BAIAP2: variants seen among roughly 807,000 people sequenced by gnomAD.
The protein encoded by BAIAP2 is BAR/IMD domain-containing adapter protein 2.
A neutral mutation model predicts 63.0 loss-of-function variants in BAIAP2; 18 were observed. The observed-to-expected ratio is 0.29, with a 90% CI of 0.20 to 0.42. BAIAP2 has a LOEUF of 0.42. BAIAP2 is among the 10% of genes least tolerant of loss of function. BAIAP2 has a pLI of 1.00. For missense variants in BAIAP2, 610 were observed against 734.3 expected (o/e 0.83, Z 1.96); for synonymous variants, 386 against 307.6 (o/e 1.25, Z -2.67).
At chr17:81,059,837 G>C (rs2050238001) in intron 3 of BAIAP2, among the ~76,000 whole-genome samples, 1 of 152,180 alleles carries the variant, frequency 6.6e-6, no homozygotes, top group African/African-American at 2.4e-5. Context: ...GTCGCATGAG[G>C]GTCTGCCCGT....
At chr17:81,094,796 C>G (rs1440226924) in intron 6 of BAIAP2, among the ~76,000 whole-genome samples, 1 of 152,180 alleles carries the variant, frequency 6.6e-6, no homozygotes, top group African/African-American at 2.4e-5. Context: ...CCCCACACAC[C>G]ACAGCTGACC....
chr17:81,083,999 G>T (rs2055107915), intron 3 of BAIAP2: 2 of 152,110 alleles, frequency 1.3e-5, no homozygotes, highest in Admixed American at 1.3e-4. Context: ...CCCTGGGGCT[G>T]CCCCCCCGCA....
At chr17:81,115,630 A>C (rs1050909184) in intron 13 of BAIAP2, 140 bp from the exon 14 acceptor site, 2 of 1,016,550 alleles carry the variant, frequency 2.0e-6, no homozygotes, top group Non-Finnish European at 3.0e-6. Flanking sequence ...AGCAGCGTAT[A>C]TTGTCTGTGA....
chr17:81,061,693 T>C (rs976484012), intron 3 of BAIAP2, among the ~76,000 whole-genome samples: 3 of 152,188 alleles, frequency 2.0e-5, no homozygotes, highest in African/African-American at 7.2e-5. Flanking sequence ...CCTGGGTGTT[T>C]TTAGCTTGGG....
At chr17:81,047,993 A>G (rs982450313) in intron 1 of BAIAP2, among the ~76,000 whole-genome samples, 4 of 152,316 alleles carry the variant, frequency 2.6e-5, no homozygotes, top group Admixed American at 2.6e-4. Flanking sequence ...GGTGGGGGAC[A>G]CTCTCTGTCA....
intron 3 of BAIAP2, among the ~76,000 whole-genome samples, chr17:81,075,975 A>T (rs572322744): frequency 6.7e-6 from 1 of 150,144 alleles, no homozygotes; most frequent in African/African-American, 2.5e-5. Flanking sequence ...AATAAAATGC[A>T]TAACGCAGAG....
rs1228690516 is a variant in BAIAP2 at position 81,103,743 on chromosome 17, A to G, written c.864+20A>G. The stretch of plus-strand genomic sequence containing the variant: ...GTGGGGGTGAGTCTGTGGCCTCTGG[A>G]AAGCTTCACGGGTGTGGGTGGGAGG... On this transcript the variant is annotated intron_variant, in intron 8 of 13. Coordinates refer to ENST00000428708, the MANE Select transcript of BAIAP2 (RefSeq NM_001144888.2). 1 of 1,589,570 alleles carries G rather than the reference A, an allele frequency of 6.3e-7. No individual in the cohort carries two copies. Among genetic ancestry groups the G allele is most frequent in the South Asian group, 1.1e-5 (1 of 90,064 alleles).
chr17:81,080,039 G>C (rs1287653904), intron 3 of BAIAP2, among the ~76,000 whole-genome samples: 1 of 152,204 alleles, frequency 6.6e-6, no homozygotes, highest in Non-Finnish European at 1.5e-5. Flanking sequence ...TCCGTCTTCA[G>C]GCCCCTGAAG....
Position 81,057,971 on chromosome 17 carries a change from A to AGGGGGGGGGGGGGGGGGG in BAIAP2, c.217+5_217+6insGGGGGGGGGGGGGGGGGG. 7 of 664,792 alleles carry AGGGGGGGGGGGGGGGGGG rather than the reference A, an allele frequency of 1.1e-5. No individual in the cohort carries two copies. The highest frequency in any genetic ancestry group is 5.0e-4 in the Middle Eastern group (1 of 2,004). 41.2% of individuals were successfully genotyped at this position (664,792 alleles called of 1,614,324 possible). On this transcript the variant is annotated splice_donor_region_variant and intron_variant, in intron 3 of 13. Transcript: ENST00000428708. ...AGCCAGGGCTCCAAAGAACTCGGTG[A>AGGGGGGGGGGGGGGGGGG]GACCCCCCCCCCCCCCCCGCCTGGT...
intron 6 of BAIAP2, among the ~76,000 whole-genome samples, chr17:81,097,876 C>T (rs533269994): frequency 2.1e-4 from 32 of 152,218 alleles, no homozygotes; most frequent in Non-Finnish European, 4.3e-4. Flanking sequence ...TCACCAGCCA[C>T]CCACAGCCTC....
chr17:81,100,891 C>T (rs2058391706), intron 7 of BAIAP2, among the ~76,000 whole-genome samples: 1 of 152,194 alleles, frequency 6.6e-6, no homozygotes. Context: ...CCACCTCTGC[C>T]TGCACCCCTG....
At chr17:81,036,934 G>T in intron 1 of BAIAP2, 2 of 1,535,912 alleles carry the variant, frequency 1.3e-6, no homozygotes, top group Non-Finnish European at 1.7e-6. Context: ...CAGAAAGCAG[G>T]AACTTTCGTG....
chr17:81,069,739 C>CA (rs781226374), intron 3 of BAIAP2, among the ~76,000 whole-genome samples: 1 of 152,180 alleles, frequency 6.6e-6, no homozygotes, highest in Non-Finnish European at 1.5e-5. Flanking sequence ...TCAGTCTGGC[C>CA]AGTACGTTCC....
At chr17:81,061,330 C>CT (rs1231664033) in intron 3 of BAIAP2, among the ~76,000 whole-genome samples, 1 of 152,180 alleles carries the variant, frequency 6.6e-6, no homozygotes, top group Admixed American at 6.5e-5. Flanking sequence ...ATCGAGGTGT[C>CT]TGAGTGTCCA....
chr17:81,110,751 C>T (rs745480799), intron 13 of BAIAP2, among the ~76,000 whole-genome samples: 70 of 152,326 alleles, frequency 4.6e-4, no homozygotes, highest in Middle Eastern at 3.4e-3. Context: ...AGGCAGGCTC[C>T]GCAGGCGCCG....
intron 6 of BAIAP2, among the ~76,000 whole-genome samples, chr17:81,089,594 A>G (rs1352509865): frequency 2.2e-5 from 1 of 46,422 alleles, no homozygotes; most frequent in Non-Finnish European, 4.8e-5. Context: ...CGGCTGCCAC[A>G]GTCGTCACAA....
intron 3 of BAIAP2, among the ~76,000 whole-genome samples, chr17:81,067,207 C>T (rs1011382634): frequency 6.6e-6 from 1 of 152,262 alleles, no homozygotes; most frequent in Non-Finnish European, 1.5e-5. Flanking sequence ...AGGACTCCGG[C>T]AGGGGTGCTC....
intron 3 of BAIAP2, among the ~76,000 whole-genome samples, chr17:81,060,578 T>C (rs1233692154): frequency 3.3e-5 from 5 of 152,192 alleles, no homozygotes. Flanking sequence ...ACCCATTTCA[T>C]TTATCTGGGG....
chr17:81,090,233 A>G (rs906070810), intron 6 of BAIAP2, among the ~76,000 whole-genome samples: 20 of 152,044 alleles, frequency 1.3e-4, no homozygotes, highest in African/African-American at 4.6e-4. Flanking sequence ...CAGTTTCCCC[A>G]TTTGTGAGGG....
Sources: gnomAD v4.1 joint callset for allele counts (sites outside exome capture counted in the v4.1 genomes callset) on GRCh38, gnomAD v4.1.1 for gene constraint, MANE v1.5 for transcripts, NCBI Gene and HGNC (gene_info 2026-07-23, HGNC 2026-07-21) for gene names.